COL24A1: variants seen among roughly 807,000 people sequenced by gnomAD.
COL24A1 encodes collagen alpha-1(XXIV) chain.
In COL24A1, 224 loss-of-function variants were observed where a neutral mutation model predicts 253.9. The ratio of observed to expected loss-of-function variants is 0.88; its 90% CI spans 0.79 to 0.99. COL24A1 has a LOEUF of 0.99. Ranked by LOEUF, COL24A1 falls within the 50% of genes least tolerant of loss-of-function variation. COL24A1 has a pLI of 0.00. For synonymous variants in COL24A1, 685 were observed against 673.7 expected (o/e 1.02, Z -0.26); for missense variants, 2,131 against 2,068.5 (o/e 1.03, Z -0.59).
At chr1:85,863,242 T>A (rs1679369806) in intron 37 of COL24A1, among the ~76,000 whole-genome samples, 1 of 152,198 alleles carries the variant, frequency 6.6e-6, no homozygotes, top group African/African-American at 2.4e-5. Flanking sequence ...TTTCTAAATA[T>A]ACAATCATGT....
chr1:86,147,197 T>C (rs1484821534), intron 1 of COL24A1, among the ~76,000 whole-genome samples: 1 of 152,220 alleles, frequency 6.6e-6, no homozygotes, highest in Non-Finnish European at 1.5e-5. Flanking sequence ...TTATTACTAA[T>C]AAGATGTTTT....
chr1:85,813,225 A>G (rs1381725334), intron 47 of COL24A1, among the ~76,000 whole-genome samples: 2 of 152,158 alleles, frequency 1.3e-5, no homozygotes, highest in African/African-American at 4.8e-5. Flanking sequence ...CAGCATACAG[A>G]TAAGAATATA....
chr1:85,889,732 T>A, intron 31 of COL24A1, 119 bp from the exon 32 acceptor site: 1 of 167,434 alleles, frequency 6.0e-6, no homozygotes, highest in Non-Finnish European at 1.1e-5. Context: ...ATTGCTATTC[T>A]TTTTTTTTTT....
In COL24A1 at chr1:86,156,352, G is replaced by A. The variant is rs1301399227; in HGVS notation, c.45C>T (p.Pro15=). ...GGTGGGCTACTTACGTTTTTGCCGT[G>A]GGGGAGACTTTTCCACGCCTTGTTC... The part of the protein sequence containing the change: ...AHRTRRGKVS[P]TAKTKSLLHF... Residue 15 remains proline (P), a synonymous_variant, in exon 1 of 60, where the codon CCC becomes CCT. Transcript: ENST00000370571. 1.2e-6 allele frequency: 2 copies of A among 1,612,670 alleles called. No individual in the cohort carries two copies. Among genetic ancestry groups the A allele is most frequent in the Admixed American group, 3.3e-5 (2 of 59,808 alleles).
intron 55 of COL24A1, 88 bp from the exon 56 acceptor site, chr1:85,745,594 G>T: frequency 1.1e-6 from 1 of 904,346 alleles, no homozygotes; most frequent in Non-Finnish European, 1.7e-6. Context: ...AAGCACTGCT[G>T]TTAAAGTATA....
At chr1:85,747,214 C>G (rs879794472) in intron 55 of COL24A1, among the ~76,000 whole-genome samples, 2 of 149,692 alleles carry the variant, frequency 1.3e-5, no homozygotes, top group African/African-American at 4.9e-5. Flanking sequence ...CAGGTTCAAG[C>G]GATTCTCCTG....
intron 47 of COL24A1, among the ~76,000 whole-genome samples, chr1:85,788,885 A>G (rs1032262672): frequency 1.3e-5 from 2 of 151,968 alleles, no homozygotes; most frequent in African/African-American, 4.8e-5. Context: ...GTGTGGTCTT[A>G]TTTCTGAGTT....
intron 22 of COL24A1, 78 bp from the exon 23 acceptor site, chr1:85,965,140 A>G: frequency 9.4e-7 from 1 of 1,062,310 alleles, no homozygotes. Context: ...AAGATATATG[A>G]AATTTAGACT....
intron 1 of COL24A1, 61 bp from the exon 2 acceptor site, chr1:86,146,244 A>G (rs1218328728): frequency 3.1e-6 from 4 of 1,273,240 alleles, no homozygotes; most frequent in African/African-American, 1.5e-5. Flanking sequence ...AACCATATAG[A>G]ATCCAAAACA....
rs1170130954 is a variant in COL24A1 at position 85,914,641 on chromosome 1, T to G, written c.2563-3208A>C. On this transcript the variant is annotated intron_variant, in intron 24 of 59. Transcript: ENST00000370571. ...CTTGACCTCAAGTGATCTGCCCACC[T>G]TGGCCTCCCAAAGTATTGGGATTAC... 1.1e-4 allele frequency among the ~76,000 whole-genome samples: 16 copies of G among 152,192 alleles called. 1 individual carries two copies. The highest frequency in any genetic ancestry group is 1.0e-3 in the Admixed American group (16 of 15,272).
At chr1:86,078,096 C>T (rs1209438949) in intron 7 of COL24A1, among the ~76,000 whole-genome samples, 2 of 152,046 alleles carry the variant, frequency 1.3e-5, no homozygotes, top group African/African-American at 4.8e-5. Flanking sequence ...AAAAAGATGA[C>T]TCATTATGAC....
rs1676673422 is a variant in COL24A1, at chr1:85,842,095, A to G, written c.3543T>C (p.Ser1181=). Residue 1181 remains serine (S), a synonymous_variant, in exon 41 of 60, where the codon TCT becomes TCC. Transcript: ENST00000370571. ...YRGHQGQPGP[S]GLPGPKGEKG... ...TTTCTCCTTTAGGTCCTGGCAATCCAGAGGGTCCTGGTTGGCCCTGATGGC... is the reference window on the plus strand; with the variant it reads ...TTTCTCCTTTAGGTCCTGGCAATCCGGAGGGTCCTGGTTGGCCCTGATGGC... The G allele has an allele frequency of 1.2e-6, 2 of 1,613,732 alleles. No homozygotes were observed. The highest frequency in any genetic ancestry group is 1.3e-5 in the African/African-American group (1 of 74,948).
intron 32 of COL24A1, among the ~76,000 whole-genome samples, chr1:85,884,190 G>C (rs1483703544): frequency 1.3e-5 from 2 of 152,054 alleles, no homozygotes; most frequent in East Asian, 1.9e-4. Context: ...TGCTATCCCT[G>C]AGTCTGTTTC....
At chr1:85,830,496 C>A (rs967051618) in intron 43 of COL24A1, among the ~76,000 whole-genome samples, 1 of 152,198 alleles carries the variant, frequency 6.6e-6, no homozygotes, top group African/African-American at 2.4e-5. Context: ...TGAGCCTGGG[C>A]AATGGCGGGT....
At chr1:85,868,373 C>T (rs1296206077) in intron 37 of COL24A1, 146 bp downstream of exon 37, 3 of 511,300 alleles carry the variant, frequency 5.9e-6, no homozygotes, top group East Asian at 3.1e-5. Context: ...CAGTCCTTGA[C>T]TTTTCCTTCT....
rs190366104 is a variant in COL24A1 at position 85,995,650 on chromosome 1, G to A, written c.2311-7996C>T. ...AAACAAGAAAATTTGGGGGTTTGAT[G>A]GGTGTGTTCACTATCCTGATTTTGT... On this transcript the variant is annotated intron_variant, in intron 19 of 59. Coordinates refer to ENST00000370571, the MANE Select transcript of COL24A1 (RefSeq NM_152890.7). Among the ~76,000 whole-genome samples the A allele has an allele frequency of 1.2e-4, 19 of 152,252 alleles. No homozygotes were observed. The East Asian group carries it at 1.9e-3, about 15-fold the overall frequency.
intron 7 of COL24A1, among the ~76,000 whole-genome samples, chr1:86,082,591 T>C (rs1330489737): frequency 1.8e-5 from 2 of 108,416 alleles, no homozygotes; most frequent in African/African-American, 7.2e-5. Flanking sequence ...TAGCATAATT[T>C]ATTTACGTAA....
At chr1:85,765,920 G>T (rs1200845572) in intron 53 of COL24A1, among the ~76,000 whole-genome samples, 1 of 152,072 alleles carries the variant, frequency 6.6e-6, no homozygotes, top group Admixed American at 6.5e-5. Context: ...AGTGTTTCAG[G>T]TCTCATAGAA....
At chr1:85,759,517 C>T (rs561917613) in intron 55 of COL24A1, among the ~76,000 whole-genome samples, 110 of 152,080 alleles carry the variant, frequency 7.2e-4, no homozygotes, top group Middle Eastern at 6.8e-3. Context: ...TTTCCTACAA[C>T]GGACTCTGCA....
Sources: gnomAD v4.1 joint callset for allele counts (sites outside exome capture counted in the v4.1 genomes callset) on GRCh38, gnomAD v4.1.1 for gene constraint, MANE v1.5 for transcripts, NCBI Gene and HGNC (gene_info 2026-07-23, HGNC 2026-07-21) for gene names.